Variants in ITPK1 observed in about 807,000 individuals in gnomAD.
The protein encoded by ITPK1 is inositol 1,3,4-trisphosphate 5/6-kinase.
In ITPK1, 21 loss-of-function variants were observed where a neutral mutation model predicts 45.3. The ratio of observed to expected loss-of-function variants is 0.46; its 90% CI spans 0.33 to 0.67. The LOEUF is 0.67. Ranked by LOEUF, ITPK1 falls within the 30% of genes least tolerant of loss-of-function variation. ITPK1 has a pLI of 0.02. For missense variants in ITPK1, 474 were observed against 573.5 expected, an observed-to-expected ratio of 0.83 and a Z score of 1.77; for synonymous variants, 258 against 253.6, an observed-to-expected ratio of 1.02 and a Z score of -0.16.
intron 3 of ITPK1, among the ~76,000 whole-genome samples, chr14:93,021,639 G>A (rs747475874): frequency 6.6e-6 from 1 of 151,946 alleles, no homozygotes; most frequent in Non-Finnish European, 1.5e-5. Flanking sequence ...CTTGGCCTCA[G>A]AGGACTCCAT....
rs12436174 is a variant in ITPK1, at chr14:93,054,004, G to A, written c.120+22591C>T. 3.7e-3 allele frequency among the ~76,000 whole-genome samples: 563 copies of A among 152,302 alleles called. 2 individuals are homozygous for A. The highest frequency in any genetic ancestry group is 0.013 in the African/African-American group (545 of 41,560). On this transcript the variant is annotated intron_variant, in intron 3 of 10. Transcript: ENST00000267615. ...GTAGGGAGAGATGGGGTCGGGGAAG[G>A]AAGCGAAGAGCAAAGGCTTAGAAGC...
At chr14:93,114,157 T>C (rs1419585429) in intron 2 of ITPK1, among the ~76,000 whole-genome samples, 1 of 152,272 alleles carries the variant, frequency 6.6e-6, no homozygotes, top group Non-Finnish European at 1.5e-5. Context: ...AGCTAGATTC[T>C]CTTAGGCTTG....
At chr14:93,088,335 T>G (rs1490660356) in intron 2 of ITPK1, among the ~76,000 whole-genome samples, 1 of 131,464 alleles carries the variant, frequency 7.6e-6, no homozygotes, top group Non-Finnish European at 1.5e-5. Flanking sequence ...TTTTTGGTTT[T>G]GTTTTGTTTT....
rs1466917815 is a variant in ITPK1 at position 92,940,896 on chromosome 14, G to A, written c.*665C>T. ...CAGGGCTAAATGGGACGTGTGTTGGGGGGCCCAGAGGACGCCCAGCTTCCT... is the reference window on the plus strand; with the variant it reads ...CAGGGCTAAATGGGACGTGTGTTGGAGGGCCCAGAGGACGCCCAGCTTCCT... On this transcript the variant is annotated 3_prime_UTR_variant, in exon 11 of 11. Transcript: ENST00000267615. 3 of 1,288,480 alleles carry A rather than the reference G, an allele frequency of 2.3e-6. No individual in the cohort carries two copies. Among genetic ancestry groups the A allele is most frequent in the East Asian group, 1.1e-4 (2 of 18,026 alleles). 79.8% of individuals were successfully genotyped at this position (1,288,480 alleles called of 1,614,324 possible).
chr14:93,114,353 G>A (rs757132370), intron 2 of ITPK1, among the ~76,000 whole-genome samples: 10 of 152,336 alleles, frequency 6.6e-5, no homozygotes, highest in Admixed American at 1.3e-4. Flanking sequence ...GATGGCAGAA[G>A]GCCACTCCAC....
At chr14:92,963,101 G>C (rs949377522) in intron 5 of ITPK1, among the ~76,000 whole-genome samples, 6 of 152,184 alleles carry the variant, frequency 3.9e-5, no homozygotes, top group African/African-American at 1.4e-4. Flanking sequence ...GAAGAGTACA[G>C]AAAAGTAAAA....
At chr14:93,044,690 G>A (rs1186243000) in intron 3 of ITPK1, among the ~76,000 whole-genome samples, 1 of 152,174 alleles carries the variant, frequency 6.6e-6, no homozygotes, top group Non-Finnish European at 1.5e-5. Flanking sequence ...GAGGAGGTGG[G>A]ACAGTGGCCC....
At position 93,076,133 on chromosome 14, in the gene ITPK1, C is replaced by G. The variant is rs2139982458; in HGVS notation, c.120+462G>C. ...CTTCTCCCTCCATCTGTCCACCTTTCCCCTCCCTCCAAGATCCTTCCTTCC... is the reference window on the plus strand; with the variant it reads ...CTTCTCCCTCCATCTGTCCACCTTTGCCCTCCCTCCAAGATCCTTCCTTCC... On this transcript the variant is annotated intron_variant, in intron 3 of 10. Coordinates refer to ENST00000267615, the MANE Select transcript of ITPK1 (RefSeq NM_014216.6). The surrounding 1 kb of genome is among the most constrained non-coding windows in gnomAD (Gnocchi z 4.3). 6.6e-6 allele frequency among the ~76,000 whole-genome samples: 1 copy of G among 151,794 alleles called. No homozygotes were observed. The highest frequency in any genetic ancestry group is 1.9e-4 in the East Asian group (1 of 5,162).
rs1887435441 is a variant in ITPK1, at chr14:92,941,820, G to A, written c.986C>T (p.Ala329Val). 2.5e-6 allele frequency: 4 copies of A among 1,611,758 alleles called. No individual in the cohort carries two copies. Among genetic ancestry groups the A allele is most frequent in the Non-Finnish European group, 3.4e-6 (4 of 1,179,836 alleles). ...CCTCAGCAGGGCCACGTCCCCTGTG[G>A]CTGCCATGGCTGTGCTCTGGCCCTG... ...VLQGQSTAMA[A>V]TGDVALLRHS... Residue 329 changes from alanine (A) to valine (V), a missense_variant, in exon 11 of 11, where the codon GCC becomes GTC. Ala to Val is a moderately conservative substitution (Grantham distance 64). Coordinates refer to ENST00000267615, the MANE Select transcript of ITPK1 (RefSeq NM_014216.6).
intron 4 of ITPK1, among the ~76,000 whole-genome samples, chr14:92,997,089 C>T (rs550767716): frequency 1.1e-3 from 163 of 152,318 alleles, no homozygotes; most frequent in African/African-American, 3.5e-3. Context: ...TTCCAGGTAA[C>T]GGGAGGGCCA....
chr14:93,005,437 G>A (rs1391731055), intron 4 of ITPK1, among the ~76,000 whole-genome samples: 1 of 152,180 alleles, frequency 6.6e-6, no homozygotes, highest in Admixed American at 6.5e-5. Flanking sequence ...AGATGGCCCA[G>A]ATTCAGGGTC....
At chr14:92,981,638 T>C (rs1205325472) in intron 5 of ITPK1, among the ~76,000 whole-genome samples, 3 of 152,176 alleles carry the variant, frequency 2.0e-5, no homozygotes, top group Non-Finnish European at 4.4e-5. Context: ...CTTCCCTCCT[T>C]TGCATACTTA....
intron 5 of ITPK1, among the ~76,000 whole-genome samples, chr14:92,977,486 C>T (rs1165651027): frequency 1.3e-5 from 2 of 152,210 alleles, no homozygotes; most frequent in African/African-American, 2.4e-5. Context: ...TCTAAGCCAG[C>T]CGACGTGGTT....
At chr14:93,105,120 C>A (rs1292265792) in intron 2 of ITPK1, among the ~76,000 whole-genome samples, 1 of 152,216 alleles carries the variant, frequency 6.6e-6, no homozygotes, top group Non-Finnish European at 1.5e-5. Flanking sequence ...GGCTGACGAC[C>A]TGGTGCCCCT....
chr14:92,960,565 C>T (rs1362863210), intron 7 of ITPK1, among the ~76,000 whole-genome samples: 1 of 152,244 alleles, frequency 6.6e-6, no homozygotes, highest in Non-Finnish European at 1.5e-5. Context: ...TCTGGGATTC[C>T]ACAGCCCCGG....
rs554868165 is a variant in ITPK1, at chr14:93,055,813, A to C, written c.120+20782T>G. Among the ~76,000 whole-genome samples the C allele has an allele frequency of 3.9e-5, 6 of 152,304 alleles. No individual in the cohort carries two copies. In the East Asian group the frequency reaches 1.2e-3, roughly 29 times the overall value. ...CGGGCAGAGAGTACAGGCTCTTGGA[A>C]GAAGTCCAGACTCAAGTCTCAGCCT... On this transcript the variant is annotated intron_variant, in intron 3 of 10. Transcript: ENST00000267615.
chr14:93,079,629 T>G (rs1409185057), intron 2 of ITPK1, among the ~76,000 whole-genome samples: 1 of 152,164 alleles, frequency 6.6e-6, no homozygotes, highest in South Asian at 2.1e-4. Flanking sequence ...GAATCCCACA[T>G]GCACCACCAC....
chr14:93,073,948 G>GT (rs1024962264), intron 3 of ITPK1, among the ~76,000 whole-genome samples: 2 of 152,130 alleles, frequency 1.3e-5, no homozygotes, highest in Non-Finnish European at 1.5e-5. Context: ...GCAAGGGGAC[G>GT]TGTGTCCTCT....
Position 93,045,313 on chromosome 14 carries a change from G to A in ITPK1, c.121-28512C>T, listed in dbSNP as rs953402172. Among the ~76,000 whole-genome samples, 20 of 152,342 alleles carry A rather than the reference G, an allele frequency of 1.3e-4. 1 individual carries two copies. Among genetic ancestry groups the A allele is most frequent in the Admixed American group, 1.3e-3 (20 of 15,304 alleles). On this transcript the variant is annotated intron_variant, in intron 3 of 10. Coordinates refer to ENST00000267615, the MANE Select transcript of ITPK1 (RefSeq NM_014216.6). ...ATGCAGCCGGCCAGGAAACCACAGA[G>A]GCCAGGTCAGAGTGGCCTTTTAATT...
Sources: gnomAD v4.1 joint callset for allele counts (sites outside exome capture counted in the v4.1 genomes callset) on GRCh38, gnomAD v4.1.1 for gene constraint, Gnocchi (gnomAD v3.1) non-coding constraint, MANE v1.5 for transcripts, NCBI Gene and HGNC (gene_info 2026-07-23, HGNC 2026-07-21) for gene names.